The following DENND1B variants were observed in gnomAD, a reference collection of about 807,000 sequenced individuals.
DENND1B encodes the protein DENN domain containing 1B, also known as DENN domain-containing protein 1B.
A neutral mutation model predicts 90.1 loss-of-function variants in DENND1B; 59 were observed. That is an observed-to-expected ratio of 0.65 (90% CI 0.53 to 0.81). DENND1B has a LOEUF of 0.81. DENND1B is among the 40% of genes least tolerant of loss of function. The probability of loss-of-function intolerance (pLI) is 0.00; values close to 1 mark genes in which losing one functional copy is unlikely to be tolerated. For synonymous variants in DENND1B, 337 were observed against 324.6 expected (o/e 1.04, Z -0.41); for missense variants, 862 against 912.6 (o/e 0.94, Z 0.71).
At chr1:197,523,048 A>G (rs949265257) in intron 20 of DENND1B, among the ~76,000 whole-genome samples, 1 of 152,070 alleles carries the variant, frequency 6.6e-6, no homozygotes, top group Non-Finnish European at 1.5e-5. Flanking sequence ...CCTCGTGCTC[A>G]TAAGAAAAAT....
At chr1:197,546,913 TC>T in intron 16 of DENND1B, 140 bp from the exon 17 acceptor site, 1 of 655,766 alleles carries the variant, frequency 1.5e-6, no homozygotes. Context: ...TCTAATAAAA[TC>T]CAGCGATCAA....
At chr1:197,613,642 A>C (rs1354437329) in intron 11 of DENND1B, among the ~76,000 whole-genome samples, 3 of 150,874 alleles carry the variant, frequency 2.0e-5, no homozygotes. Context: ...GTCTCCAGAG[A>C]AGAAGACATA....
intron 3 of DENND1B, among the ~76,000 whole-genome samples, chr1:197,703,695 A>G (rs1046479828): frequency 6.6e-6 from 1 of 152,202 alleles, no homozygotes; most frequent in African/African-American, 2.4e-5. Context: ...ACTTCAATCA[A>G]TTTTGATGGG....
At chr1:197,721,358 C>T (rs1661161933) in intron 2 of DENND1B, among the ~76,000 whole-genome samples, 1 of 151,972 alleles carries the variant, frequency 6.6e-6, no homozygotes, top group Non-Finnish European at 1.5e-5. Flanking sequence ...CTTGAGCCAC[C>T]GTGCCTGGCC....
chr1:197,720,246 A>AT (rs897344865), intron 2 of DENND1B, among the ~76,000 whole-genome samples: 4 of 151,528 alleles, frequency 2.6e-5, no homozygotes, highest in Non-Finnish European at 5.9e-5. Context: ...AATTATTGTA[A>AT]TTTTTTTTGA....
At chr1:197,580,428 C>G (rs1445270781) in intron 15 of DENND1B, among the ~76,000 whole-genome samples, 1 of 151,634 alleles carries the variant, frequency 6.6e-6, no homozygotes, top group African/African-American at 2.4e-5. Context: ...TGCGCCTGGC[C>G]CTTTTAATAA....
At chr1:197,620,407 C>CT (rs1678050116) in intron 10 of DENND1B, among the ~76,000 whole-genome samples, 1 of 151,244 alleles carries the variant, frequency 6.6e-6, no homozygotes, top group African/African-American at 2.4e-5. Flanking sequence ...ATAACCATGT[C>CT]TCAGTTTTCT....
At chr1:197,759,826 C>A (rs1383716394) in intron 2 of DENND1B, among the ~76,000 whole-genome samples, 4 of 145,258 alleles carry the variant, frequency 2.8e-5, no homozygotes, top group Non-Finnish European at 6.0e-5. Flanking sequence ...TCCCCATAAA[C>A]TAGGCAAAAG....
At chr1:197,699,590 A>T (rs528912857) in intron 3 of DENND1B, among the ~76,000 whole-genome samples, 6 of 152,198 alleles carry the variant, frequency 3.9e-5, no homozygotes, top group Admixed American at 2.0e-4. Context: ...AATAAAGGGA[A>T]CTCAAATAGG....
At chr1:197,735,653 C>A (rs774558729) in intron 2 of DENND1B, 3 of 1,614,086 alleles carry the variant, frequency 1.9e-6, no homozygotes, top group Non-Finnish European at 2.5e-6. Flanking sequence ...TCGAGCTATG[C>A]GGTTTCAGCC....
intron 3 of DENND1B, among the ~76,000 whole-genome samples, chr1:197,707,177 C>A (rs1286480702): frequency 6.6e-6 from 1 of 152,138 alleles, no homozygotes; most frequent in African/African-American, 2.4e-5. Flanking sequence ...ACAGATGTCT[C>A]ATGTTCTCAC....
At chr1:197,520,866 G>A (rs1259941072) in intron 20 of DENND1B, among the ~76,000 whole-genome samples, 1 of 151,870 alleles carries the variant, frequency 6.6e-6, no homozygotes, top group Non-Finnish European at 1.5e-5. Context: ...AATGTAAAAT[G>A]TCAAGTACAC....
intron 15 of DENND1B, among the ~76,000 whole-genome samples, chr1:197,559,325 G>C (rs1558239627): frequency 6.6e-6 from 1 of 151,930 alleles, no homozygotes; most frequent in Non-Finnish European, 1.5e-5. Context: ...GATTCTGGTA[G>C]AGAGATGAGG....
intron 3 of DENND1B, among the ~76,000 whole-genome samples, chr1:197,701,954 A>C (rs538082590): frequency 9.8e-5 from 15 of 152,310 alleles, no homozygotes; most frequent in Admixed American, 2.6e-4. Context: ...ATAACTAAAA[A>C]CACCACCAAA....
rs147343390 is a variant in DENND1B, at chr1:197,639,612, G to A, written c.672+3099C>T. 2.0e-4 allele frequency among the ~76,000 whole-genome samples: 31 copies of A among 152,096 alleles called. 1 individual carries two copies. Among genetic ancestry groups the A allele is most frequent in the African/African-American group, 6.3e-4 (26 of 41,498 alleles). ...TATTCCTCTAAAAATTAAGAGTTGG[G>A]CTGTATACTTAAAAAATTAAAAATG... is the stretch of plus-strand genomic sequence containing the variant. On this transcript the variant is annotated intron_variant, in intron 10 of 22. Transcript: ENST00000620048.
intron 15 of DENND1B, among the ~76,000 whole-genome samples, chr1:197,572,954 T>C (rs1673309294): frequency 6.6e-6 from 1 of 152,186 alleles, no homozygotes; most frequent in Admixed American, 6.5e-5. Flanking sequence ...TCTCTGACGG[T>C]AGTTTGAATT....
At chr1:197,570,245 T>C (rs200604593) in intron 15 of DENND1B, among the ~76,000 whole-genome samples, 3 of 143,564 alleles carry the variant, frequency 2.1e-5, no homozygotes, top group African/African-American at 7.8e-5. Flanking sequence ...AAAAAAAAAA[T>C]TTAAACCAGG....
chr1:197,697,699 G>A (rs1658581995), intron 3 of DENND1B, among the ~76,000 whole-genome samples: 1 of 151,714 alleles, frequency 6.6e-6, no homozygotes, highest in Non-Finnish European at 1.5e-5. Flanking sequence ...GATACATATA[G>A]GATCAAAATA....
intron 2 of DENND1B, among the ~76,000 whole-genome samples, chr1:197,767,703 A>G (rs1655866959): frequency 6.6e-6 from 1 of 152,224 alleles, no homozygotes; most frequent in African/African-American, 2.4e-5. Context: ...TAAAAATGAA[A>G]AGTGACAGGG....
Sources: allele counts gnomAD v4.1 joint callset (sites outside exome capture counted in the v4.1 genomes callset), GRCh38; gene constraint gnomAD v4.1.1; transcripts MANE v1.5; gene names NCBI Gene and HGNC (gene_info 2026-07-23, HGNC 2026-07-21).